Variants in PTPRD observed in about 807,000 individuals in gnomAD.
PTPRD encodes the protein receptor-type tyrosine-protein phosphatase delta.
A neutral mutation model predicts 214.5 loss-of-function variants in PTPRD; 34 were observed. That is an observed-to-expected ratio of 0.16 (90% CI 0.12 to 0.21). The LOEUF (loss-of-function observed/expected upper bound fraction) is 0.21. Ranked by LOEUF, PTPRD falls within the 10% of genes least tolerant of loss-of-function variation. PTPRD has a pLI of 1.00. For missense variants in PTPRD, 2,545 were observed against 2,398.7 expected (o/e 1.06, Z -1.27); for synonymous variants, 1,128 against 845.7 (o/e 1.33, Z -5.79).
At chr9:9,475,410 T>G (rs2094952561) in intron 8 of PTPRD, among the ~76,000 whole-genome samples, 1 of 152,152 alleles carries the variant, frequency 6.6e-6, no homozygotes. Flanking sequence ...AGATTTTGAG[T>G]AAAACATTGC....
chr9:9,937,113 A>T (rs1430130973), intron 5 of PTPRD, among the ~76,000 whole-genome samples: 3 of 152,156 alleles, frequency 2.0e-5, no homozygotes, highest in Admixed American at 6.5e-5. Context: ...ACTGGGAGAT[A>T]TACCTAATGC....
intron 2 of PTPRD, among the ~76,000 whole-genome samples, chr9:10,415,714 T>G (rs911916077): frequency 1.3e-5 from 2 of 151,774 alleles, no homozygotes; most frequent in South Asian, 4.1e-4. Context: ...AAGCAACATA[T>G]GTAAATCTTA....
intron 14 of PTPRD, among the ~76,000 whole-genome samples, chr9:8,619,921 A>T (rs1022556162): frequency 6.6e-6 from 1 of 152,018 alleles, no homozygotes; most frequent in African/African-American, 2.4e-5. Flanking sequence ...TAGAGTCAGA[A>T]AATCTGGTAA....
chr9:10,435,709 C>T (rs2098712644), intron 2 of PTPRD, among the ~76,000 whole-genome samples: 1 of 151,780 alleles, frequency 6.6e-6, no homozygotes, highest in African/African-American at 2.4e-5. Flanking sequence ...AATAATCATG[C>T]ATAAAATATG....
At chr9:8,544,661 G>C (rs1014664555) in intron 14 of PTPRD, among the ~76,000 whole-genome samples, 1 of 149,902 alleles carries the variant, frequency 6.7e-6, no homozygotes, top group Non-Finnish European at 1.5e-5. Flanking sequence ...GTAGAGACAG[G>C]GTTTCACCAT....
chr9:9,964,049 G>C (rs1197099297), intron 4 of PTPRD, among the ~76,000 whole-genome samples: 1 of 89,016 alleles, frequency 1.1e-5, no homozygotes, highest in Non-Finnish European at 2.6e-5. Context: ...GCCAGACAGA[G>C]GCAGAGGCAG....
At chr9:9,320,114 C>A (rs1231596387) in intron 9 of PTPRD, among the ~76,000 whole-genome samples, 6 of 152,116 alleles carry the variant, frequency 3.9e-5, no homozygotes, top group Admixed American at 3.9e-4. Flanking sequence ...TAAAAATCAA[C>A]TCAAATTTAG....
intron 39 of PTPRD, among the ~76,000 whole-genome samples, chr9:8,352,969 G>C (rs536429271): frequency 1.4e-3 from 220 of 152,152 alleles, no homozygotes; most frequent in African/African-American, 5.0e-3. Context: ...AAATTAGCTG[G>C]GCGTGGTGGC....
chr9:8,393,232 G>C (rs1448362781), intron 36 of PTPRD, among the ~76,000 whole-genome samples: 1 of 152,084 alleles, frequency 6.6e-6, no homozygotes, highest in African/African-American at 2.4e-5. Flanking sequence ...ACATTAATCA[G>C]AGTGCACTTC....
chr9:9,197,921 G>C (rs1286492523), intron 9 of PTPRD, among the ~76,000 whole-genome samples: 1 of 152,190 alleles, frequency 6.6e-6, no homozygotes, highest in Non-Finnish European at 1.5e-5. Context: ...ATCAGACATT[G>C]AGCAGGGAAT....
intron 2 of PTPRD, among the ~76,000 whole-genome samples, chr9:10,460,663 G>A (rs538676567): frequency 9.2e-5 from 14 of 152,156 alleles, no homozygotes; most frequent in African/African-American, 3.4e-4. Flanking sequence ...TTACATATCT[G>A]GATTTACAAA....
chr9:10,220,415 T>C (rs62538588), intron 3 of PTPRD, among the ~76,000 whole-genome samples: 16,765 of 151,864 alleles, frequency 0.11, 1,048 homozygotes, highest in Non-Finnish European at 0.14. Flanking sequence ...TAACTTTACA[T>C]AGTAGTTGGT....
At chr9:10,361,597 G>C (rs929463893) in intron 2 of PTPRD, among the ~76,000 whole-genome samples, 6 of 152,082 alleles carry the variant, frequency 3.9e-5, no homozygotes, top group Admixed American at 3.3e-4. Context: ...CAGAGAATCA[G>C]TAAAGAATCT....
chr9:9,940,248 C>A (rs769973496), intron 4 of PTPRD, among the ~76,000 whole-genome samples: 32 of 152,066 alleles, frequency 2.1e-4, no homozygotes, highest in Non-Finnish European at 3.8e-4. Flanking sequence ...CGTAAGATGG[C>A]AGCACAGATG....
chr9:9,901,193 G>T (rs1053726337), intron 5 of PTPRD, among the ~76,000 whole-genome samples: 8 of 152,040 alleles, frequency 5.3e-5, no homozygotes, highest in Non-Finnish European at 1.2e-4. Context: ...TATATGTCTC[G>T]GACTAGCCTT....
chr9:10,118,424 G>A (rs1037831467), intron 3 of PTPRD, among the ~76,000 whole-genome samples: 1 of 151,628 alleles, frequency 6.6e-6, no homozygotes, highest in Non-Finnish European at 1.5e-5. Context: ...CTAGTTTAAA[G>A]AGTTGTCCTG....
intron 11 of PTPRD, among the ~76,000 whole-genome samples, chr9:8,869,581 T>A (rs1394220588): frequency 6.6e-6 from 1 of 152,142 alleles, no homozygotes; most frequent in Non-Finnish European, 1.5e-5. Flanking sequence ...CAGGTAATTC[T>A]GAAAACCACC....
At position 10,518,754 on chromosome 9, in the gene PTPRD, G is replaced by A. The variant is rs768900561; in HGVS notation, c.-600+93644C>T. 7.2e-5 allele frequency among the ~76,000 whole-genome samples: 11 copies of A among 151,818 alleles called. 1 individual carries two copies. Among genetic ancestry groups the A allele is most frequent in the East Asian group, 1.9e-4 (1 of 5,142 alleles). On this transcript the variant is annotated intron_variant, in intron 2 of 45. Transcript: ENST00000381196. The stretch of plus-strand genomic sequence containing the variant: ...TTACCGTGTTAGCCAAGATGGTCTT[G>A]ATCTCCTGACCTCGTGATCTGCCCG...
intron 8 of PTPRD, among the ~76,000 whole-genome samples, chr9:9,445,670 C>T (rs556572068): frequency 6.8e-4 from 103 of 152,170 alleles, no homozygotes; most frequent in Non-Finnish European, 1.2e-3. Flanking sequence ...ATCACTATCA[C>T]GAGAACAGCG....
Sources: allele counts gnomAD v4.1 joint callset (sites outside exome capture counted in the v4.1 genomes callset), GRCh38; gene constraint gnomAD v4.1.1; transcripts MANE v1.5; gene names NCBI Gene and HGNC (gene_info 2026-07-23, HGNC 2026-07-21).